The following APBA2 variants were observed in gnomAD, a reference collection of about 807,000 sequenced individuals.
The protein encoded by APBA2 is amyloid beta precursor protein binding family A member 2, also known as amyloid-beta A4 precursor protein-binding family A member 2.
Under a neutral mutation model 75.0 loss-of-function variants are expected in APBA2, and 30 were observed. The observed-to-expected ratio is 0.40, with a 90% CI of 0.30 to 0.54. The LOEUF is 0.54. APBA2 is among the 20% of genes least tolerant of loss of function. The pLI is 0.49. For missense variants in APBA2, 801 were observed against 1,016.1 expected (o/e 0.79, Z 2.88); for synonymous variants, 444 against 409.6 (o/e 1.08, Z -1.01).
At chr15:29,032,470 A>C (rs1595779919) in intron 3 of APBA2, among the ~76,000 whole-genome samples, 1 of 152,240 alleles carries the variant, frequency 6.6e-6, no homozygotes, top group African/African-American at 2.4e-5. Flanking sequence ...CCTGCCCTGC[A>C]GATTTCAGAT....
chr15:28,960,341 G>A (rs2036399829), intron 2 of APBA2, among the ~76,000 whole-genome samples: 2 of 151,734 alleles, frequency 1.3e-5, no homozygotes, highest in Admixed American at 6.6e-5. Context: ...GTGGATGCCT[G>A]TAGTCCCAGC....
intron 12 of APBA2, 67 bp downstream of exon 12, chr15:29,106,886 T>C (rs1280388791): frequency 8.1e-6 from 12 of 1,473,596 alleles, no homozygotes; most frequent in Non-Finnish European, 1.1e-5. Context: ...CCCACTTTGC[T>C]GCAATCCCCA....
intron 2 of APBA2, among the ~76,000 whole-genome samples, chr15:28,935,731 G>A (rs960648511): frequency 6.6e-6 from 1 of 152,218 alleles, no homozygotes; most frequent in African/African-American, 2.4e-5. Context: ...CTCGGCTGAG[G>A]TTACAGGAAG....
chr15:29,104,239 C>T (rs567268417), intron 10 of APBA2, among the ~76,000 whole-genome samples: 41 of 152,348 alleles, frequency 2.7e-4, no homozygotes, highest in Non-Finnish European at 5.3e-4. Context: ...CCGTGCAGGA[C>T]CCCCTTGAGG....
intron 3 of APBA2, among the ~76,000 whole-genome samples, chr15:29,028,378 T>C (rs186123276): frequency 6.6e-6 from 1 of 152,354 alleles, no homozygotes; most frequent in African/African-American, 2.4e-5. Flanking sequence ...TGTATATATG[T>C]ACCACAGTTT....
intron 4 of APBA2, among the ~76,000 whole-genome samples, chr15:29,056,641 CTCT>C (rs2041914967): frequency 7.9e-6 from 1 of 126,814 alleles, no homozygotes; most frequent in African/African-American, 3.5e-5. Flanking sequence ...TCCCTCCTCT[CTCT>C]CTCTCTCTCT....
At chr15:29,049,304 A>C (rs1209954793) in intron 3 of APBA2, among the ~76,000 whole-genome samples, 1 of 152,196 alleles carries the variant, frequency 6.6e-6, no homozygotes, top group Non-Finnish European at 1.5e-5. Context: ...GGAGAACATG[A>C]AGCTGCTCCC....
chr15:28,968,404 G>A (rs2036856057), intron 2 of APBA2, among the ~76,000 whole-genome samples: 2 of 152,176 alleles, frequency 1.3e-5, no homozygotes, highest in African/African-American at 4.8e-5. Flanking sequence ...AACACGTGTG[G>A]AAGACTTTGA....
At chr15:29,056,090 T>G (rs530992995) in intron 4 of APBA2, among the ~76,000 whole-genome samples, 1 of 152,324 alleles carries the variant, frequency 6.6e-6, no homozygotes, top group East Asian at 1.9e-4. Context: ...GCAGAGCGTG[T>G]GACATGCTGC....
intron 1 of APBA2, among the ~76,000 whole-genome samples, chr15:28,890,417 C>G (rs1035808970): frequency 6.6e-6 from 1 of 152,146 alleles, no homozygotes; most frequent in Admixed American, 6.5e-5. Flanking sequence ...AAGGAGGCAC[C>G]CCCACGCCCA....
At chr15:29,041,988 T>G (rs2041070427) in intron 3 of APBA2, among the ~76,000 whole-genome samples, 2 of 152,180 alleles carry the variant, frequency 1.3e-5, no homozygotes, top group Admixed American at 1.3e-4. Context: ...CAACAGAAGC[T>G]TACTGTCTCA....
chr15:29,080,885 CT>C (rs1470519573), intron 6 of APBA2, among the ~76,000 whole-genome samples: 2 of 152,216 alleles, frequency 1.3e-5, no homozygotes, highest in Admixed American at 6.5e-5. Context: ...CTTTGTTCTC[CT>C]CATCCAAAGC....
chr15:29,051,536 T>C, intron 3 of APBA2, among the ~76,000 whole-genome samples: 1 of 152,212 alleles, frequency 6.6e-6, no homozygotes, highest in East Asian at 1.9e-4. Context: ...TGGAAGCATG[T>C]GGCTCCATCA....
At chr15:29,010,056 C>T (rs1245752764) in intron 3 of APBA2, among the ~76,000 whole-genome samples, 6 of 152,208 alleles carry the variant, frequency 3.9e-5, no homozygotes, top group African/African-American at 1.4e-4. Context: ...CATCCTTGCT[C>T]ATAACTGGTG....
chr15:29,054,258 G>A lies in APBA2; in HGVS notation c.374G>A (p.Ser125Asn), dbSNP rs762364817. The change falls in exon 4 of 15, where the codon AGT becomes AAT. Residue 125 changes from serine to asparagine, a missense_variant. Ser to Asn is a conservative substitution (Grantham distance 46). Coordinates refer to ENST00000683413, the MANE Select transcript of APBA2 (RefSeq NM_001353788.2). This position sits in a 1 kb window ranked among gnomAD's most constrained non-coding sequence, Gnocchi z 6.1. Reference sequence around the variant, plus strand: ...AACGGGGAGGAGTACCTGGCCCACAGTGCACACCCTGTGGACACTGATGAG... The same window carrying A: ...AACGGGGAGGAGTACCTGGCCCACAATGCACACCCTGTGGACACTGATGAG... ...DCNGEEYLAHSAHPVDTDECQ... is the reference protein window; with the variant it reads ...DCNGEEYLAHNAHPVDTDECQ... 6.8e-6 allele frequency: 11 copies of A among 1,614,152 alleles called. No homozygotes were observed. Among genetic ancestry groups the A allele is most frequent in the Admixed American group, 3.3e-5 (2 of 60,020 alleles).
intron 2 of APBA2, among the ~76,000 whole-genome samples, chr15:28,953,983 G>A (rs1031811020): frequency 4.6e-5 from 7 of 152,138 alleles, no homozygotes; most frequent in East Asian, 1.9e-4. Context: ...TCTAATTGAC[G>A]TCCCCACACA....
chr15:28,986,888 G>C (rs2037955106), intron 2 of APBA2, among the ~76,000 whole-genome samples: 1 of 152,204 alleles, frequency 6.6e-6, no homozygotes, highest in Non-Finnish European at 1.5e-5. Context: ...ATTTCTCACA[G>C]TTCTGGATGT....
Position 29,105,522 on chromosome 15 carries a change from C to T in APBA2, c.1668C>T (p.Asp556=). 1.2e-6 allele frequency: 2 copies of T among 1,613,824 alleles called. No individual in the cohort carries two copies. The highest frequency in any genetic ancestry group is 1.7e-6 in the Non-Finnish European group (2 of 1,180,038). ...ACACCCAGGAGATGTACAACGACGA[C>T]CTCATCCACTTCTCAAACTCGGAGA... The part of the protein sequence containing the change: ...IINTQEMYND[D]LIHFSNSENC... Residue 556 remains aspartate, a synonymous_variant, in exon 11 of 15, where the codon GAC becomes GAT. Coordinates refer to ENST00000683413, the MANE Select transcript of APBA2 (RefSeq NM_001353788.2).
intron 2 of APBA2, among the ~76,000 whole-genome samples, chr15:28,959,660 C>G (rs966294830): frequency 6.6e-6 from 1 of 152,188 alleles, no homozygotes; most frequent in African/African-American, 2.4e-5. Flanking sequence ...GATAGCATTC[C>G]TAGAAAACTA....
Sources: gnomAD v4.1 joint callset for allele counts (sites outside exome capture counted in the v4.1 genomes callset) on GRCh38, gnomAD v4.1.1 for gene constraint, Gnocchi (gnomAD v3.1) non-coding constraint, MANE v1.5 for transcripts, NCBI Gene and HGNC (gene_info 2026-07-23, HGNC 2026-07-21) for gene names.